MTAP: variants seen among roughly 807,000 people sequenced by gnomAD.
MTAP encodes S-methyl-5'-thioadenosine phosphorylase.
In MTAP, 33 loss-of-function variants were observed where a neutral mutation model predicts 33.6. The ratio of observed to expected loss-of-function variants is 0.98; its 90% CI spans 0.74 to 1.31. MTAP has a LOEUF of 1.31. Ranked by LOEUF, MTAP falls within the 40% of genes most tolerant of loss-of-function variation. The probability of loss-of-function intolerance (pLI) is 0.00; values close to 1 mark genes in which losing one functional copy is unlikely to be tolerated. For synonymous variants in MTAP, 148 were observed against 125.7 expected, an observed-to-expected ratio of 1.18 and a Z score of -1.19; for missense variants, 367 against 360.0, an observed-to-expected ratio of 1.02 and a Z score of -0.16.
intron 1 of MTAP, among the ~76,000 whole-genome samples, chr9:21,810,140 A>T (rs1452338696): frequency 1.3e-5 from 2 of 152,188 alleles, no homozygotes; most frequent in Non-Finnish European, 2.9e-5. Context: ...CAACAGAAGC[A>T]TTATCTCCTC....
intron 5 of MTAP, among the ~76,000 whole-genome samples, chr9:21,845,981 C>T (rs571673146): frequency 6.6e-6 from 1 of 152,268 alleles, no homozygotes; most frequent in South Asian, 2.1e-4. Context: ...GCCAACTGAT[C>T]TTTGAAAAAG....
At chr9:21,827,667 TTGCACCA>T (rs1298292080) in intron 4 of MTAP, among the ~76,000 whole-genome samples, 1 of 152,210 alleles carries the variant, frequency 6.6e-6, no homozygotes, top group African/African-American at 2.4e-5. Context: ...TCTGCCCAGT[TTGCACCA>T]TATCACCAAC....
intron 1 of MTAP, among the ~76,000 whole-genome samples, chr9:21,814,520 G>T (rs2118014772): frequency 6.6e-6 from 1 of 152,196 alleles, no homozygotes; most frequent in African/African-American, 2.4e-5. Context: ...TTTCCCTAAT[G>T]ATTTGTTACT....
intron 4 of MTAP, among the ~76,000 whole-genome samples, chr9:21,827,155 A>G (rs1408180172): frequency 6.6e-6 from 1 of 152,182 alleles, no homozygotes; most frequent in African/African-American, 2.4e-5. Context: ...GCCTCTCAGA[A>G]TGCTCTGGGT....
intron 1 of MTAP, among the ~76,000 whole-genome samples, chr9:21,889,897 A>G (rs1818171637): frequency 6.6e-6 from 1 of 152,186 alleles, no homozygotes; most frequent in East Asian, 1.9e-4. Context: ...GTTGACCTTT[A>G]GCCAGAAGGT....
At chr9:21,879,184 CTAAGTT>C (rs1817955915) in intron 1 of MTAP, among the ~76,000 whole-genome samples, 1 of 152,110 alleles carries the variant, frequency 6.6e-6, no homozygotes, top group Admixed American at 6.6e-5. Context: ...GTGTGGGAGT[CTAAGTT>C]TATTTGTTGG....
In MTAP at chr9:21,865,894, A is replaced by G; in HGVS notation, c.*3880A>G. The G allele has an allele frequency of 1.5e-6, 1 of 665,260 alleles. No individual in the cohort carries two copies. The highest frequency in any genetic ancestry group is 1.9e-6 in the Non-Finnish European group (1 of 537,182). The allele number at this position is 665,260 out of a possible 1,614,324, so 41.2% of individuals were successfully genotyped here. A position where few individuals can be genotyped will look rare whatever the true frequency, so the allele number is the denominator to read the frequency against. Reference sequence around the variant, plus strand: ...CATATGCCTATCTTACAATTTGATTATCTATTCACCTGTTGATGAATGTTT... The same window carrying G: ...CATATGCCTATCTTACAATTTGATTGTCTATTCACCTGTTGATGAATGTTT... On this transcript the variant is annotated 3_prime_UTR_variant, in exon 8 of 8. Transcript: ENST00000644715.
intron 1 of MTAP, among the ~76,000 whole-genome samples, chr9:21,923,929 T>C (rs1202601559): frequency 6.6e-6 from 1 of 152,058 alleles, no homozygotes; most frequent in East Asian, 1.9e-4. Context: ...AAAGTACCCA[T>C]AGGACAGAGA....
At position 21,864,215 on chromosome 9, in the gene MTAP, T is replaced by A; in HGVS notation, c.*2201T>A. ...ATCATTTTCAGACTAACTAAATGAA[T>A]GCAGTATACTCTTTTCTTTGTTCTC... On this transcript the variant is annotated 3_prime_UTR_variant, in exon 8 of 8. Transcript: ENST00000644715. The A allele has an allele frequency of 1.0e-6, 1 of 985,462 alleles. No homozygotes were observed. The highest frequency in any genetic ancestry group is 1.2e-6 in the Non-Finnish European group (1 of 829,918). 61.0% of individuals were successfully genotyped at this position (985,462 alleles called of 1,614,324 possible). A position where few individuals can be genotyped will look rare whatever the true frequency, so the allele number is the denominator to read the frequency against.
intron 5 of MTAP, among the ~76,000 whole-genome samples, chr9:21,839,308 A>G (rs140266670): frequency 2.0e-5 from 3 of 152,008 alleles, no homozygotes; most frequent in East Asian, 3.9e-4. Flanking sequence ...CACATAATAG[A>G]TTTGCTATCC....
At chr9:21,912,540 T>G (rs10123025) in intron 1 of MTAP, among the ~76,000 whole-genome samples, 3,411 of 152,260 alleles carry the variant, frequency 0.022, 133 homozygotes, top group African/African-American at 0.075. Context: ...ACCACATGAT[T>G]ATCTCAATAG....
rs576600202 is a variant in MTAP, at chr9:21,912,116, C to A, written c.148-18892C>A. On this transcript the variant is annotated intron_variant, in intron 1 of 1. Coordinates refer to the MTAP transcript ENST00000577563. Reference sequence around the variant, plus strand: ...AATCTCTGAATAGACCAATAACAGGCTCTGAAATTGAGGCAATAATTAATA... The same window carrying A: ...AATCTCTGAATAGACCAATAACAGGATCTGAAATTGAGGCAATAATTAATA... Among the ~76,000 whole-genome samples, 10 of 152,178 alleles carry A rather than the reference C, an allele frequency of 6.6e-5. No homozygotes were observed. The East Asian group carries it at 1.5e-3, about 23-fold the overall frequency.
intron 1 of MTAP, among the ~76,000 whole-genome samples, chr9:21,885,744 A>G (rs139666227): frequency 0.015 from 2,215 of 148,788 alleles, 54 homozygotes; most frequent in African/African-American, 0.051. Context: ...AAATGCCATT[A>G]TTTCATTCCT....
chr9:21,842,881 A>T (rs1825286135), intron 5 of MTAP, among the ~76,000 whole-genome samples: 1 of 152,220 alleles, frequency 6.6e-6, no homozygotes, highest in Non-Finnish European at 1.5e-5. Flanking sequence ...GGCAAAAGCT[A>T]GCATGATGAA....
At chr9:21,931,371 C>G (rs1587306295), downstream of MTAP, 26 of 504,390 alleles carry the variant, frequency 5.2e-5, no homozygotes, top group East Asian at 8.1e-4. Flanking sequence ...GAGACCCCCT[C>G]CAACTAGGAA....
rs35709813 is a variant in MTAP at position 21,818,317 on chromosome 9, C to CTTTTTTTTTTTTTTTTTTTTT, written c.347+122_347+142dup. On this transcript the variant is annotated intron_variant, in intron 4 of 7. Coordinates refer to ENST00000644715, the MANE Select transcript of MTAP (RefSeq NM_002451.4). ...GAGGGCAGTGCCACAGACTCGCTTGCTTTTTTTTTTTTTTTTTTTTTTTTT... is the reference window on the plus strand; with the variant it reads ...GAGGGCAGTGCCACAGACTCGCTTGCTTTTTTTTTTTTTTTTTTTTTTTTTTTTTTTTTTTTTTTTTTTTTT... 4.9e-5 allele frequency: 10 copies of CTTTTTTTTTTTTTTTTTTTTT among 206,124 alleles called. 4 individuals are homozygous for CTTTTTTTTTTTTTTTTTTTTT. The highest frequency in any genetic ancestry group is 8.5e-5 in the African/African-American group (2 of 23,532). 12.8% of individuals were successfully genotyped at this position (206,124 alleles called of 1,614,324 possible). A position where few individuals can be genotyped will look rare whatever the true frequency, so the allele number is the denominator to read the frequency against.
chr9:21,816,972 C>T (rs1340663724), intron 3 of MTAP, among the ~76,000 whole-genome samples, 200 bp downstream of exon 3: 1 of 152,196 alleles, frequency 6.6e-6, no homozygotes, highest in Non-Finnish European at 1.5e-5. Context: ...GCTCTTGCCC[C>T]TTACATTGGG....
chr9:21,834,750 C>A (rs538121282), intron 4 of MTAP, among the ~76,000 whole-genome samples: 1 of 152,308 alleles, frequency 6.6e-6, no homozygotes, highest in African/African-American at 2.4e-5. Flanking sequence ...TTGTTAGCAA[C>A]CTTAATTCCA....
intron 1 of MTAP, among the ~76,000 whole-genome samples, chr9:21,898,637 C>G (rs1242058019): frequency 6.6e-6 from 1 of 152,188 alleles, no homozygotes; most frequent in East Asian, 1.9e-4. Context: ...AAAAAATGTT[C>G]ATCATCACTG....
Sources: allele counts gnomAD v4.1 joint callset (sites outside exome capture counted in the v4.1 genomes callset), GRCh38; gene constraint gnomAD v4.1.1; transcripts MANE v1.5; gene names NCBI Gene and HGNC (gene_info 2026-07-23, HGNC 2026-07-21).